ERCC6: variants seen among roughly 807,000 people sequenced by gnomAD.
ERCC6 encodes ERCC excision repair 6, chromatin remodeling factor, also known as DNA excision repair protein ERCC-6.
In ERCC6, 116 loss-of-function variants were observed where a neutral mutation model predicts 158.7. That is an observed-to-expected ratio of 0.73 (90% CI 0.63 to 0.85). The LOEUF (loss-of-function observed/expected upper bound fraction) is 0.85. ERCC6 is among the 40% of genes least tolerant of loss of function. ERCC6 has a pLI of 0.00. For missense variants in ERCC6, 1,698 were observed against 1,799.4 expected (o/e 0.94, Z 1.02); for synonymous variants, 678 against 659.3 (o/e 1.03, Z -0.43).
At chr10:49,507,673 AC>A (rs758815631) in intron 5 of ERCC6, among the ~76,000 whole-genome samples, 3 of 152,090 alleles carry the variant, frequency 2.0e-5, no homozygotes, top group African/African-American at 4.8e-5. Context: ...CTTCAACCCC[AC>A]CCTGGGGTAA....
At chr10:49,530,607 T>C in intron 3 of ERCC6, 113 bp downstream of exon 3, 1 of 1,502,934 alleles carries the variant, frequency 6.7e-7, no homozygotes, top group Admixed American at 2.0e-5. Context: ...TCTATTGTAA[T>C]TATAAGTATT....
intron 7 of ERCC6, among the ~76,000 whole-genome samples, chr10:49,496,290 T>A (rs1269765580): frequency 1.3e-5 from 2 of 152,286 alleles, no homozygotes; most frequent in Non-Finnish European, 2.9e-5. Context: ...TTGTATGAGA[T>A]CCTCCCTAAA....
chr10:49,459,825 T>A (rs930607639), intron 20 of ERCC6, among the ~76,000 whole-genome samples: 1 of 152,186 alleles, frequency 6.6e-6, no homozygotes, highest in East Asian at 1.9e-4. Flanking sequence ...CATGTTCACA[T>A]TAACTTAAAA....
At chr10:49,538,442 AGAT>A (rs1304001449) in intron 1 of ERCC6, among the ~76,000 whole-genome samples, 1 of 152,212 alleles carries the variant, frequency 6.6e-6, no homozygotes, top group Admixed American at 6.5e-5. Flanking sequence ...AGCAACAAGA[AGAT>A]GATGGGAAAA....
intron 5 of ERCC6, chr10:49,516,462 C>T: frequency 1.2e-6 from 2 of 1,614,218 alleles, no homozygotes; most frequent in Non-Finnish European, 1.7e-6. Context: ...CCGGTCACGT[C>T]TCATGGCAGC....
intron 1 of ERCC6, among the ~76,000 whole-genome samples, chr10:49,538,761 C>A (rs896525489): frequency 6.6e-6 from 1 of 152,238 alleles, no homozygotes; most frequent in East Asian, 1.9e-4. Context: ...CTCAGGTGAG[C>A]GCTCCTTGGC....
chr10:49,482,837 C>G lies in ERCC6; in HGVS notation c.2019G>C (p.Leu673=), dbSNP rs535929212. 2 of 1,613,890 alleles carry G rather than the reference C, an allele frequency of 1.2e-6. No homozygotes were observed. The highest frequency in any genetic ancestry group is 1.7e-6 in the Non-Finnish European group (2 of 1,179,980). Residue 673 remains leucine (L), a synonymous_variant, in exon 10 of 21, where the codon CTG becomes CTC. Transcript: ENST00000355832. Reference sequence around the variant, plus strand: ...GGTTATTTTGCATCGGTGAGCCAGACAGAATGATCCGATGAGGGGTGCGAA... The same window carrying G: ...GGTTATTTTGCATCGGTGAGCCAGAGAGAATGATCCGATGAGGGGTGCGAA... ...KQFRTPHRII[L]SGSPMQNNLR...
At chr10:49,481,971 T>G (rs4253166) in intron 10 of ERCC6, among the ~76,000 whole-genome samples, 29,757 of 152,074 alleles carry the variant, frequency 0.2, 3,329 homozygotes, top group South Asian at 0.35. Flanking sequence ...AGAACCAGCA[T>G]CCTCCAGAGT....
At position 49,474,476 on chromosome 10, in the gene ERCC6, G is replaced by A. The variant is rs377693960; in HGVS notation, c.2383-234C>T. Among the ~76,000 whole-genome samples the A allele has an allele frequency of 1.5e-3, 232 of 152,238 alleles. 3 individuals carry two copies. The highest frequency in any genetic ancestry group is 3.4e-3 in the Middle Eastern group (1 of 294). On this transcript the variant is annotated intron_variant, in intron 12 of 20. Transcript: ENST00000355832. ...AAAAAAATTCTACTGGACTGAACAC[G>A]TCTACAGGGGTCATATTCAATTGCT...
intron 10 of ERCC6, among the ~76,000 whole-genome samples, chr10:49,479,968 A>G (rs1248242038): frequency 1.3e-5 from 2 of 152,116 alleles, no homozygotes; most frequent in Non-Finnish European, 2.9e-5. Flanking sequence ...GCTCCTTCCC[A>G]TTCTGACAAG....
intron 1 of ERCC6, among the ~76,000 whole-genome samples, chr10:49,538,009 A>G (rs1001667672): frequency 3.3e-5 from 5 of 152,228 alleles, no homozygotes; most frequent in African/African-American, 1.2e-4. Flanking sequence ...TTAAGACTAG[A>G]AAGAGCTGAT....
At chr10:49,517,940 T>G (rs1039704590) in intron 5 of ERCC6, among the ~76,000 whole-genome samples, 2 of 152,262 alleles carry the variant, frequency 1.3e-5, no homozygotes, top group Non-Finnish European at 2.9e-5. Context: ...AAACTTTTAC[T>G]AAATTCAGAT....
chr10:49,461,132 T>A (rs1850574430), intron 19 of ERCC6, among the ~76,000 whole-genome samples: 1 of 152,078 alleles, frequency 6.6e-6, no homozygotes, highest in Non-Finnish European at 1.5e-5. Flanking sequence ...ACCAATCACT[T>A]CTCCTGAAGC....
At chr10:49,489,732 A>G (rs1851139295) in intron 8 of ERCC6, among the ~76,000 whole-genome samples, 1 of 152,214 alleles carries the variant, frequency 6.6e-6, no homozygotes, top group Non-Finnish European at 1.5e-5. Flanking sequence ...GTATCTTCCA[A>G]TAAATTGAAA....
In ERCC6 at chr10:49,532,915, CAG is replaced by C. The variant is rs756736539; in HGVS notation, c.48_49del (p.Asp16GlufsTer9). 8.1e-6 allele frequency: 13 copies of C among 1,614,106 alleles called. No individual in the cohort carries two copies. In the Admixed American group the frequency reaches 1.5e-4, roughly 19 times the overall value. ...ATTACTGACAGGTTGACTCTGTAAA[CAG>C]TCTTGCTCCTGAGTTTGACTTGAGT... On this transcript the variant is annotated frameshift_variant, in exon 2 of 21. Coordinates refer to ENST00000355832, the MANE Select transcript of ERCC6 (RefSeq NM_000124.4). LOFTEE classifies it high-confidence loss of function.
intron 8 of ERCC6, among the ~76,000 whole-genome samples, chr10:49,492,097 T>C (rs1171188609): frequency 1.3e-5 from 2 of 152,246 alleles, no homozygotes; most frequent in African/African-American, 2.4e-5. Context: ...ACAATAACAG[T>C]GTAAGCAAAA....
In ERCC6 at chr10:49,528,463, T is replaced by C. The variant is rs2132631451; in HGVS notation, c.606A>G (p.Ala202=). The stretch of plus-strand genomic sequence containing the variant: ...CGTGATCTAGTTCAATTTTCACCTC[T>C]GCTCCTCCAAGGATGGCCTGGAGAT... ...QKHLQAILGG[A]EVKIELDHAS... Residue 202 remains alanine (A), a synonymous_variant, in exon 4 of 21, where the codon GCA becomes GCG. Transcript: ENST00000355832. 6.2e-7 allele frequency: 1 copy of C among 1,614,226 alleles called. No homozygotes were observed. Among genetic ancestry groups the C allele is most frequent in the Non-Finnish European group, 8.5e-7 (1 of 1,180,036 alleles).
chr10:49,440,465 T>C, the ERCC6 span, among the ~76,000 whole-genome samples: 2 of 152,118 alleles, frequency 1.3e-5, no homozygotes, highest in Admixed American at 6.5e-5. Flanking sequence ...CAATTCAAGT[T>C]GAGATTTGGG....
chr10:49,524,538 C>A lies in ERCC6; in HGVS notation c.892G>T (p.Ala298Ser). Residue 298 changes from alanine to serine, a missense_variant, in exon 5 of 21, where the codon GCT becomes TCT. Ala to Ser is a moderately conservative substitution (Grantham distance 99). Transcript: ENST00000355832. Reference sequence around the variant, plus strand: ...GCTGGAGGCGTGACTGGGGCTGGAGCTTTTCTAGCTGCTCTTTTATTACAA... The same window carrying A: ...GCTGGAGGCGTGACTGGGGCTGGAGATTTTCTAGCTGCTCTTTTATTACAA... Reference protein sequence around the residue: ...QGCNKRAARKAPAPVTPPAPV... With the variant: ...QGCNKRAARKSPAPVTPPAPV... 6.2e-7 allele frequency: 1 copy of A among 1,614,216 alleles called. No individual in the cohort carries two copies. Among genetic ancestry groups the A allele is most frequent in the Non-Finnish European group, 8.5e-7 (1 of 1,180,030 alleles).
Sources: allele counts gnomAD v4.1 joint callset (sites outside exome capture counted in the v4.1 genomes callset), GRCh38; gene constraint gnomAD v4.1.1; transcripts MANE v1.5; gene names NCBI Gene and HGNC (gene_info 2026-07-23, HGNC 2026-07-21).